The following KLRG1 variants were observed in gnomAD, a reference collection of about 807,000 sequenced individuals.
KLRG1 encodes killer cell lectin-like receptor subfamily G member 1.
A neutral mutation model predicts 21.8 loss-of-function variants in KLRG1; 16 were observed. The ratio of observed to expected loss-of-function variants is 0.73; its 90% CI spans 0.50 to 1.11. The LOEUF is 1.11. Ranked by LOEUF, KLRG1 falls within the 50% of genes most tolerant of loss-of-function variation. The pLI, the probability that KLRG1 is intolerant of heterozygous loss-of-function variation, is 0.00. For synonymous variants in KLRG1, 69 were observed against 75.9 expected (o/e 0.91, Z 0.47); for missense variants, 173 against 218.3 (o/e 0.79, Z 1.31).
the KLRG1 span, among the ~76,000 whole-genome samples, chr12:9,159,679 C>T: frequency 6.6e-6 from 1 of 151,744 alleles, no homozygotes; most frequent in South Asian, 2.1e-4. Flanking sequence ...TGAGCCCATT[C>T]AATCCTCTAG....
chr12:9,163,687 A>G, the KLRG1 span: 7 of 1,613,842 alleles, frequency 4.3e-6, no homozygotes, highest in Non-Finnish European at 5.1e-6. Flanking sequence ...CAGGGTTTTG[A>G]TGACTGTGTC....
the KLRG1 span, among the ~76,000 whole-genome samples, chr12:9,100,659 C>A: frequency 8.1e-4 from 123 of 152,162 alleles, 1 homozygote; most frequent in African/African-American, 2.7e-3. Context: ...GAGAAAAAAA[C>A]CATTATTGTT....
chr12:9,068,766 A>C, the KLRG1 span: 1 of 1,607,858 alleles, frequency 6.2e-7, no homozygotes, highest in East Asian at 2.2e-5. Context: ...ATAGACTTTC[A>C]CTATGGCTGG....
chr12:9,100,455 CT>C, the KLRG1 span, among the ~76,000 whole-genome samples: 1 of 148,030 alleles, frequency 6.8e-6, no homozygotes. Context: ...TATTTATTTA[CT>C]TTTATAGAGA....
intron 3 of KLRG1, among the ~76,000 whole-genome samples, chr12:9,008,183 TA>T (rs1332273720): frequency 6.6e-6 from 1 of 152,228 alleles, no homozygotes; most frequent in African/African-American, 2.4e-5. Flanking sequence ...AAAACAAGAA[TA>T]TTGCTATAGG....
At chr12:9,001,698 C>T (rs1592275502) in intron 3 of KLRG1, among the ~76,000 whole-genome samples, 1 of 152,310 alleles carries the variant, frequency 6.6e-6, no homozygotes, top group Admixed American at 6.5e-5. Flanking sequence ...ATCACCTTGA[C>T]ATTTAGTGCT....
chr12:8,977,447 C>G (rs933054288), intron 1 of KLRG1, among the ~76,000 whole-genome samples: 4 of 150,996 alleles, frequency 2.6e-5, no homozygotes, highest in Non-Finnish European at 5.9e-5. Flanking sequence ...ATCTCCTGAC[C>G]TTGTGATCTG....
chr12:9,093,654 C>CAAA, the KLRG1 span: 26 of 531,534 alleles, frequency 4.9e-5, no homozygotes, highest in African/African-American at 1.3e-4. Context: ...TAGTTGCCAC[C>CAAA]AAAAAAAAAA....
chr12:9,117,658 G>A, the KLRG1 span, among the ~76,000 whole-genome samples: 1 of 152,258 alleles, frequency 6.6e-6, no homozygotes, highest in East Asian at 1.9e-4. Flanking sequence ...GGATATTCAC[G>A]TATTAATATT....
chr12:9,076,715 C>T, the KLRG1 span: 1 of 1,610,180 alleles, frequency 6.2e-7, no homozygotes, highest in South Asian at 1.1e-5. Context: ...GTTCTTGATA[C>T]AGAGGATGGG....
chr12:9,041,147 C>T, the KLRG1 span, among the ~76,000 whole-genome samples: 1 of 152,014 alleles, frequency 6.6e-6, no homozygotes, highest in Admixed American at 6.6e-5. Flanking sequence ...ACCAGCCTGG[C>T]CAACATGGTG....
At chr12:8,979,792 T>C (rs966074023) in intron 1 of KLRG1, among the ~76,000 whole-genome samples, 6 of 152,170 alleles carry the variant, frequency 3.9e-5, no homozygotes, top group African/African-American at 1.4e-4. Flanking sequence ...ATAACCTGTG[T>C]TTGAGGTTGC....
intron 1 of KLRG1, among the ~76,000 whole-genome samples, chr12:8,982,813 T>C (rs1241514122): frequency 6.6e-6 from 1 of 152,002 alleles, no homozygotes; most frequent in African/African-American, 2.4e-5. Flanking sequence ...GCCTGGCTAT[T>C]TTTTGTATTT....
chr12:8,959,506 TA>T (rs1379861649), intron 1 of KLRG1, among the ~76,000 whole-genome samples: 1 of 152,136 alleles, frequency 6.6e-6, no homozygotes, highest in Non-Finnish European at 1.5e-5. Flanking sequence ...AAGTAGTAGT[TA>T]AAAAACTCTA....
chr12:8,986,273 G>A (rs950679470), upstream of KLRG1, among the ~76,000 whole-genome samples: 1 of 152,206 alleles, frequency 6.6e-6, no homozygotes, highest in Non-Finnish European at 1.5e-5. Context: ...ATTCTTTAAT[G>A]AATAGTTACT....
the KLRG1 span, chr12:9,158,476 G>A: frequency 6.2e-7 from 1 of 1,614,144 alleles, no homozygotes; most frequent in South Asian, 1.1e-5. Flanking sequence ...TTGTCCTTCT[G>A]CATCTGGGAG....
rs999164504 is a variant in KLRG1 at position 8,982,695 on chromosome 12, G to T, written c.-155-9511G>T. On this transcript the variant is annotated intron_variant, in intron 1 of 4. Transcript: ENST00000539240. ...AGTTTCATTCTTGTTGTCCAGGCTG[G>T]AGTGCAATGGTGCGATCTTGGCTCA... 3.3e-5 allele frequency among the ~76,000 whole-genome samples: 5 copies of T among 150,188 alleles called. No individual in the cohort carries two copies. The South Asian group carries it at 6.4e-4, about 19-fold the overall frequency.
chr12:8,992,848 A>C (rs963068786), intron 2 of KLRG1, among the ~76,000 whole-genome samples: 5 of 151,996 alleles, frequency 3.3e-5, no homozygotes, highest in Admixed American at 6.6e-5. Flanking sequence ...ATATTTTCTT[A>C]ATAGAACTGC....
chr12:9,106,758 A>G, the KLRG1 span, among the ~76,000 whole-genome samples: 261 of 152,312 alleles, frequency 1.7e-3, no homozygotes, highest in Non-Finnish European at 3.3e-3. Flanking sequence ...GCAACTAAAT[A>G]TTAAATTTCA....
Sources: gnomAD v4.1 joint callset for allele counts (sites outside exome capture counted in the v4.1 genomes callset) on GRCh38, gnomAD v4.1.1 for gene constraint, MANE v1.5 for transcripts, NCBI Gene and HGNC (gene_info 2026-07-23, HGNC 2026-07-21) for gene names.